The following SCN1A variants were observed in gnomAD, a reference collection of about 807,000 sequenced individuals.
SCN1A encodes sodium channel protein type 1 subunit alpha.
SCN1A carries 13 observed loss-of-function variants against 193.7 expected under a neutral mutation model. The observed-to-expected ratio is 0.07, with a 90% CI of 0.04 to 0.11. The LOEUF (loss-of-function observed/expected upper bound fraction) is 0.11. Ranked by LOEUF, SCN1A falls within the 10% of genes least tolerant of loss-of-function variation. The probability of loss-of-function intolerance (pLI) is 1.00; values close to 1 mark genes in which losing one functional copy is unlikely to be tolerated. For synonymous variants in SCN1A, 781 were observed against 843.6 expected (o/e 0.93, Z 1.29); for missense variants, 1,432 against 2,451.1 (o/e 0.58, Z 8.78).
At chr2:166,144,152 T>C (rs1200550232) in intron 1 of SCN1A, among the ~76,000 whole-genome samples, 2 of 152,246 alleles carry the variant, frequency 1.3e-5, no homozygotes, top group East Asian at 1.9e-4. Context: ...GGGTGGTTAA[T>C]GTTAGGTAAA....
chr2:166,100,186 C>G (rs1187899331), intron 2 of SCN1A, among the ~76,000 whole-genome samples: 1 of 137,164 alleles, frequency 7.3e-6, no homozygotes, highest in South Asian at 2.4e-4. Context: ...TGGAACAGAA[C>G]AGAGCCCTCA....
intron 2 of SCN1A, among the ~76,000 whole-genome samples, chr2:166,093,505 AT>A (rs1281665837): frequency 6.6e-6 from 1 of 151,838 alleles, no homozygotes. Context: ...CGCCCAGCTA[AT>A]TTTTTTATTT....
intron 2 of SCN1A, among the ~76,000 whole-genome samples, chr2:166,080,820 A>G (rs1574405770): frequency 2.0e-5 from 3 of 151,746 alleles, no homozygotes; most frequent in Non-Finnish European, 4.4e-5. Context: ...TACAAATAAT[A>G]AATAAAGATA....
chr2:166,094,842 T>C (rs932772613), intron 2 of SCN1A, among the ~76,000 whole-genome samples: 1 of 124,404 alleles, frequency 8.0e-6, no homozygotes, highest in Non-Finnish European at 1.8e-5. Context: ...CTGTGTAGTC[T>C]ATGGGATCTA....
chr2:166,049,880 A>G (rs1698328247), intron 9 of SCN1A, among the ~76,000 whole-genome samples: 2 of 152,006 alleles, frequency 1.3e-5, no homozygotes, highest in Non-Finnish European at 2.9e-5. Context: ...TGTAAAGTTT[A>G]TTGAATGAAT....
At chr2:166,128,219 C>T (rs371874650), upstream of SCN1A, among the ~76,000 whole-genome samples, 17 of 152,124 alleles carry the variant, frequency 1.1e-4, no homozygotes, top group African/African-American at 4.1e-4. Context: ...CTTCTCCTTG[C>T]TTCTCTTTCA....
chr2:166,022,262 GA>G (rs1037431281), intron 19 of SCN1A, among the ~76,000 whole-genome samples: 19 of 151,874 alleles, frequency 1.3e-4, no homozygotes, highest in African/African-American at 3.9e-4. Flanking sequence ...GTGATAAAAT[GA>G]AAAAAATCTT....
chr2:166,004,751 G>T lies in SCN1A; in HGVS notation c.4003-1998C>A, dbSNP rs572083545. Among the ~76,000 whole-genome samples the T allele has an allele frequency of 7.9e-5, 12 of 151,534 alleles. No individual in the cohort carries two copies. In the South Asian group the frequency reaches 2.5e-3, roughly 31 times the overall value. On this transcript the variant is annotated intron_variant, in intron 23 of 28. Coordinates refer to ENST00000674923, the MANE Select transcript of SCN1A (RefSeq NM_001165963.4). ...CCGTGTGCTAATATAATTGCCAGGT[G>T]ATTGAGATGCCATTTACATTGAAAT...
At chr2:166,010,510 C>T (rs186576357) in intron 22 of SCN1A, among the ~76,000 whole-genome samples, 76 of 151,302 alleles carry the variant, frequency 5.0e-4, no homozygotes, top group Admixed American at 1.8e-3. Flanking sequence ...ACCAAATACA[C>T]ACAGCAATAA....
chr2:166,108,610 G>C (rs1361355882), intron 2 of SCN1A, among the ~76,000 whole-genome samples: 9 of 152,050 alleles, frequency 5.9e-5, no homozygotes, highest in Non-Finnish European at 1.3e-4. Flanking sequence ...TCCATATAAG[G>C]GAGTATGATT....
At chr2:166,050,665 G>T in intron 9 of SCN1A, among the ~76,000 whole-genome samples, 1 of 97,770 alleles carries the variant, frequency 1.0e-5, no homozygotes, top group Non-Finnish European at 2.3e-5. Context: ...TTTTTGTAGA[G>T]AAGGGGTCTC....
chr2:166,022,332 A>T (rs1694181619), intron 19 of SCN1A, among the ~76,000 whole-genome samples: 1 of 151,704 alleles, frequency 6.6e-6, no homozygotes, highest in Admixed American at 6.6e-5. Context: ...AAGAGCTATT[A>T]TTTTAAAAAG....
chr2:166,023,147 G>A (rs926736302), intron 19 of SCN1A, among the ~76,000 whole-genome samples: 14 of 152,316 alleles, frequency 9.2e-5, no homozygotes, highest in Admixed American at 6.5e-4. Flanking sequence ...TTGCATATAT[G>A]CAGAATATGT....
chr2:166,128,608 C>T (rs910709094), upstream of SCN1A, among the ~76,000 whole-genome samples: 2 of 152,168 alleles, frequency 1.3e-5, no homozygotes, highest in South Asian at 4.1e-4. Flanking sequence ...CTTCTATGGA[C>T]ATTTACATTC....
Position 166,025,475 on chromosome 2 carries a change from A to C in SCN1A, c.3430-9748T>G, listed in dbSNP as rs540960401. 5.2e-4 allele frequency among the ~76,000 whole-genome samples: 79 copies of C among 152,080 alleles called. No individual in the cohort carries two copies. In the Middle Eastern group the frequency reaches 0.01, roughly 20 times the overall value. The stretch of plus-strand genomic sequence containing the variant: ...CCTCTATGTGATAGCAGGAGAAATC[A>C]CTGTGCATTTAAAGAGTTTGCCTGA... On this transcript the variant is annotated intron_variant, in intron 19 of 28. Coordinates refer to ENST00000674923, the MANE Select transcript of SCN1A (RefSeq NM_001165963.4).
intron 4 of SCN1A, among the ~76,000 whole-genome samples, chr2:166,062,391 G>T (rs1683401914): frequency 6.6e-6 from 1 of 152,054 alleles, no homozygotes; most frequent in Admixed American, 6.5e-5. Flanking sequence ...TCTTATGTTT[G>T]TTTATTTCCT....
intron 2 of SCN1A, among the ~76,000 whole-genome samples, chr2:166,099,573 TC>T (rs1279036656): frequency 1.1e-5 from 1 of 92,216 alleles, no homozygotes. Context: ...AGTCAAATTG[TC>T]CCTGTTTGCA....
chr2:166,072,933 T>A lies in SCN1A; in HGVS notation c.264+425A>T, dbSNP rs1445417494. Among the ~76,000 whole-genome samples, 35 of 149,648 alleles carry A rather than the reference T, an allele frequency of 2.3e-4. No homozygotes were observed. The Admixed American group carries it at 2.4e-3, about 10-fold the overall frequency. ...CTCACTGCAACCTCGGCCTCCAGGGTTCAACAAGGGATTCCCCTGCCTCAG... is the reference window on the plus strand; with the variant it reads ...CTCACTGCAACCTCGGCCTCCAGGGATCAACAAGGGATTCCCCTGCCTCAG... On this transcript the variant is annotated intron_variant, in intron 4 of 28. Coordinates refer to ENST00000674923, the MANE Select transcript of SCN1A (RefSeq NM_001165963.4).
chr2:166,109,793 C>T (rs531801907), intron 2 of SCN1A, among the ~76,000 whole-genome samples: 1 of 152,184 alleles, frequency 6.6e-6, no homozygotes, highest in African/African-American at 2.4e-5. Flanking sequence ...GTCTCTCTTC[C>T]TCTCCTTGGG....
Sources: gnomAD v4.1 joint callset for allele counts (sites outside exome capture counted in the v4.1 genomes callset) on GRCh38, gnomAD v4.1.1 for gene constraint, MANE v1.5 for transcripts, NCBI Gene and HGNC (gene_info 2026-07-23, HGNC 2026-07-21) for gene names.